DAB1: variants seen among roughly 807,000 people sequenced by gnomAD.
DAB1 encodes disabled homolog 1.
In DAB1, 15 loss-of-function variants were observed where a neutral mutation model predicts 64.6. That is an observed-to-expected ratio of 0.23 (90% CI 0.16 to 0.36). The LOEUF (loss-of-function observed/expected upper bound fraction) is 0.36. Among genes scored for constraint, DAB1 ranks in the 10% least tolerant of loss-of-function variants. DAB1 has a pLI of 1.00. For synonymous variants in DAB1, 235 were observed against 251.9 expected, an observed-to-expected ratio of 0.93 and a Z score of 0.64; for missense variants, 596 against 706.7, an observed-to-expected ratio of 0.84 and a Z score of 1.78.
intron 2 of DAB1, among the ~76,000 whole-genome samples, chr1:57,196,284 G>T (rs1217838625): frequency 6.6e-6 from 1 of 152,172 alleles, no homozygotes; most frequent in Non-Finnish European, 1.5e-5. Context: ...GTTGAAGGTG[G>T]AGCCAGTTTT....
chr1:58,374,215 T>C (rs1263828767), intron 3 of DAB1, among the ~76,000 whole-genome samples: 3 of 130,286 alleles, frequency 2.3e-5, no homozygotes. Flanking sequence ...TGGCTTTTGT[T>C]GCCATTGTTT....
At chr1:57,901,564 A>G (rs6679454) in intron 5 of DAB1, among the ~76,000 whole-genome samples, 44,080 of 151,830 alleles carry the variant, frequency 0.29, 6,750 homozygotes, top group Non-Finnish European at 0.32. Flanking sequence ...ACCCTAACCC[A>G]CCCTGATGAC....
intron 4 of DAB1, among the ~76,000 whole-genome samples, chr1:58,219,025 CTG>C (rs56151181): frequency 0.1 from 13,334 of 129,178 alleles, 810 homozygotes; most frequent in Middle Eastern, 0.2. Context: ...CTCTCTCTCT[CTG>C]TGTGTGTGTG....
At chr1:57,545,252 C>T (rs1644843754) in intron 7 of DAB1, among the ~76,000 whole-genome samples, 1 of 152,150 alleles carries the variant, frequency 6.6e-6, no homozygotes, top group Non-Finnish European at 1.5e-5. Flanking sequence ...GATCACTGAC[C>T]CAAGCCCCAG....
intron 4 of DAB1, among the ~76,000 whole-genome samples, chr1:58,158,884 AC>A (rs1655362238): frequency 6.6e-6 from 1 of 152,244 alleles, no homozygotes; most frequent in Admixed American, 6.5e-5. Flanking sequence ...GCACACAAGC[AC>A]GCACGGGTGA....
intron 1 of DAB1, among the ~76,000 whole-genome samples, chr1:58,541,988 C>T (rs376299979): frequency 6.6e-6 from 1 of 152,090 alleles, no homozygotes; most frequent in Non-Finnish European, 1.5e-5. Context: ...TAAGCTAATA[C>T]GATATTATCT....
At chr1:57,286,251 A>G (rs1672305721) in intron 2 of DAB1, among the ~76,000 whole-genome samples, 1 of 152,102 alleles carries the variant, frequency 6.6e-6, no homozygotes, top group South Asian at 2.1e-4. Context: ...AGGAACTCTA[A>G]AGGGCCTTTA....
At chr1:58,136,339 C>T (rs1022097783) in intron 5 of DAB1, among the ~76,000 whole-genome samples, 1 of 152,170 alleles carries the variant, frequency 6.6e-6, no homozygotes, top group Non-Finnish European at 1.5e-5. Flanking sequence ...ACTGAGGTCT[C>T]TTCCTACGCT....
chr1:57,848,332 C>A (rs1425501752), intron 1 of DAB1, among the ~76,000 whole-genome samples: 3 of 152,176 alleles, frequency 2.0e-5, no homozygotes, highest in Admixed American at 2.0e-4. Context: ...TGAACACACA[C>A]CATGTAAACC....
At chr1:58,492,985 A>G (rs1385005788) in intron 3 of DAB1, among the ~76,000 whole-genome samples, 1 of 152,208 alleles carries the variant, frequency 6.6e-6, no homozygotes, top group Non-Finnish European at 1.5e-5. Flanking sequence ...TTAGACCAAT[A>G]TCCCTGATGA....
At chr1:58,433,374 G>C (rs1232205160) in intron 3 of DAB1, among the ~76,000 whole-genome samples, 4 of 152,044 alleles carry the variant, frequency 2.6e-5, no homozygotes, top group African/African-American at 7.2e-5. Flanking sequence ...TTCAAGAAGT[G>C]GGGGGTGTCT....
intron 1 of DAB1, among the ~76,000 whole-genome samples, chr1:57,830,344 T>A (rs558827481): frequency 2.0e-5 from 3 of 152,228 alleles, no homozygotes; most frequent in Non-Finnish European, 4.4e-5. Context: ...TCCTTTTCAA[T>A]CTTTGCAGTA....
chr1:57,030,604 T>C (rs1646936368), intron 9 of DAB1, among the ~76,000 whole-genome samples: 1 of 152,190 alleles, frequency 6.6e-6, no homozygotes, highest in Non-Finnish European at 1.5e-5. Flanking sequence ...GGGAATTTCA[T>C]ACCTTTCCCA....
intron 9 of DAB1, among the ~76,000 whole-genome samples, chr1:57,027,353 G>T (rs1031959434): frequency 3.3e-5 from 5 of 152,184 alleles, no homozygotes; most frequent in African/African-American, 1.2e-4. Context: ...CTCGTTTGCA[G>T]GTAGCCCCTC....
chr1:58,124,034 C>T (rs187388307), intron 5 of DAB1, among the ~76,000 whole-genome samples: 15 of 152,174 alleles, frequency 9.9e-5, no homozygotes, highest in African/African-American at 3.6e-4. Context: ...TTCATAGTAA[C>T]TTGTCATCTC....
intron 7 of DAB1, among the ~76,000 whole-genome samples, chr1:57,521,674 AAC>A (rs958446741): frequency 6.6e-6 from 1 of 152,220 alleles, no homozygotes; most frequent in African/African-American, 2.4e-5. Flanking sequence ...TAAAGAAACA[AAC>A]ACATACAGAG....
At chr1:57,131,650 A>C (rs1200730334) in intron 4 of DAB1, among the ~76,000 whole-genome samples, 4 of 152,208 alleles carry the variant, frequency 2.6e-5, no homozygotes, top group Admixed American at 2.6e-4. Context: ...GTTTTTGATG[A>C]GGCACAAATA....
At chr1:57,512,678 G>A (rs1644418687) in intron 7 of DAB1, among the ~76,000 whole-genome samples, 1 of 152,230 alleles carries the variant, frequency 6.6e-6, no homozygotes, top group African/African-American at 2.4e-5. Flanking sequence ...GTTTTGCTTT[G>A]TTTGTTTGTA....
chr1:58,422,055 T>C (rs186674649), intron 3 of DAB1, among the ~76,000 whole-genome samples: 1 of 152,064 alleles, frequency 6.6e-6, no homozygotes, highest in Non-Finnish European at 1.5e-5. Context: ...CTCAGCCTAC[T>C]TGCCTCATGG....
Sources: allele counts gnomAD v4.1 joint callset (sites outside exome capture counted in the v4.1 genomes callset), GRCh38; gene constraint gnomAD v4.1.1; transcripts MANE v1.5; gene names NCBI Gene and HGNC (gene_info 2026-07-23, HGNC 2026-07-21).